The following BABAM2 variants were observed in gnomAD, a reference collection of about 807,000 sequenced individuals.
BABAM2 encodes BRISC and BRCA1-A complex member 2.
A neutral mutation model predicts 54.7 loss-of-function variants in BABAM2; 31 were observed. The observed-to-expected ratio is 0.57, with a 90% CI of 0.43 to 0.77. The LOEUF is 0.77. BABAM2 is among the 30% of genes least tolerant of loss of function. The pLI is 0.00. For synonymous variants in BABAM2, 167 were observed against 162.9 expected (o/e 1.03, Z -0.19); for missense variants, 364 against 455.8 (o/e 0.80, Z 1.83).
At chr2:28,256,261 G>A (rs527954368) in intron 10 of BABAM2, among the ~76,000 whole-genome samples, 21 of 152,102 alleles carry the variant, frequency 1.4e-4, no homozygotes, top group Non-Finnish European at 2.8e-4. Flanking sequence ...AGTGATAAAT[G>A]TAAATAATAT....
intron 6 of BABAM2, among the ~76,000 whole-genome samples, chr2:28,056,398 A>C (rs1678423344): frequency 6.6e-6 from 1 of 152,188 alleles, no homozygotes; most frequent in African/African-American, 2.4e-5. Context: ...AAATATACAC[A>C]ATAAAATTTA....
intron 4 of BABAM2, chr2:28,016,077 A>G: frequency 1.3e-6 from 1 of 781,048 alleles, no homozygotes; most frequent in Non-Finnish European, 2.2e-6. Context: ...ATTTATGTGA[A>G]CGGTTCTTTT....
At chr2:28,327,205 A>G in intron 11 of BABAM2, 1 of 1,517,382 alleles carries the variant, frequency 6.6e-7, no homozygotes, top group Non-Finnish European at 8.9e-7. Flanking sequence ...CATTAGGACT[A>G]CCCTGTCCCT....
intron 3 of BABAM2, among the ~76,000 whole-genome samples, chr2:27,987,409 A>T (rs1489213098): frequency 6.6e-6 from 1 of 152,220 alleles, no homozygotes; most frequent in African/African-American, 2.4e-5. Context: ...TGTAAAAATA[A>T]TCAGTACATA....
intron 6 of BABAM2, among the ~76,000 whole-genome samples, chr2:28,076,901 C>A (rs1246732526): frequency 6.6e-6 from 1 of 152,148 alleles, no homozygotes; most frequent in Non-Finnish European, 1.5e-5. Flanking sequence ...GGACAGGCTC[C>A]ATGCCTTATT....
chr2:28,040,375 A>T (rs368033298), intron 5 of BABAM2, among the ~76,000 whole-genome samples: 11 of 126,070 alleles, frequency 8.7e-5, no homozygotes, highest in African/African-American at 3.3e-4. Flanking sequence ...ATCTCGGCTC[A>T]CTGCAAGCTC....
intron 10 of BABAM2, among the ~76,000 whole-genome samples, chr2:28,284,970 A>G (rs982847584): frequency 2.6e-5 from 4 of 152,210 alleles, no homozygotes; most frequent in South Asian, 2.1e-4. Flanking sequence ...GTATTATCCC[A>G]TTTTAAAGAT....
chr2:28,328,709 GT>G (rs1446424401), intron 11 of BABAM2, among the ~76,000 whole-genome samples: 2 of 152,186 alleles, frequency 1.3e-5, no homozygotes, highest in African/African-American at 4.8e-5. Context: ...TGGCACTGGG[GT>G]TGGAGTGACA....
intron 7 of BABAM2, among the ~76,000 whole-genome samples, chr2:28,220,448 A>G (rs1680297259): frequency 1.3e-5 from 2 of 152,334 alleles, no homozygotes; most frequent in South Asian, 2.1e-4. Flanking sequence ...GATCAATAAC[A>G]TAGAGTTCCA....
At chr2:27,893,850 T>C (rs1449385058) in intron 1 of BABAM2, among the ~76,000 whole-genome samples, 2 of 151,818 alleles carry the variant, frequency 1.3e-5, no homozygotes, top group African/African-American at 4.8e-5. Context: ...AAAAATTAGC[T>C]GGGCGTGGTG....
At chr2:28,072,179 CT>C (rs898219286) in intron 6 of BABAM2, among the ~76,000 whole-genome samples, 212 of 143,762 alleles carry the variant, frequency 1.5e-3, no homozygotes, top group Middle Eastern at 3.7e-3. Flanking sequence ...AGCCTGGATT[CT>C]TTTTTTTTTT....
intron 5 of BABAM2, among the ~76,000 whole-genome samples, chr2:28,036,754 T>G (rs1174247129): frequency 6.6e-6 from 1 of 152,214 alleles, no homozygotes; most frequent in Non-Finnish European, 1.5e-5. Flanking sequence ...AATTCTCTTT[T>G]GTTTGTTCAA....
chr2:28,196,977 T>G (rs1677651385), intron 7 of BABAM2, among the ~76,000 whole-genome samples: 2 of 149,128 alleles, frequency 1.3e-5, no homozygotes, highest in Admixed American at 1.4e-4. Flanking sequence ...CCCGAATAGA[T>G]GGGACTACAG....
At chr2:28,224,417 G>C (rs941531110) in intron 7 of BABAM2, among the ~76,000 whole-genome samples, 3 of 152,182 alleles carry the variant, frequency 2.0e-5, no homozygotes, top group Non-Finnish European at 4.4e-5. Context: ...AGACATGAGT[G>C]TCATAGAGCC....
intron 3 of BABAM2, among the ~76,000 whole-genome samples, chr2:27,938,455 G>A (rs1668643949): frequency 6.6e-6 from 1 of 151,578 alleles, no homozygotes; most frequent in African/African-American, 2.4e-5. Context: ...GCAGTGGCAC[G>A]GTCTCGGCTC....
intron 6 of BABAM2, among the ~76,000 whole-genome samples, chr2:28,053,400 T>C (rs1344271175): frequency 1.3e-5 from 2 of 152,172 alleles, no homozygotes; most frequent in Admixed American, 6.5e-5. Flanking sequence ...CATCTTCTTA[T>C]CTTAAAGGAA....
intron 4 of BABAM2, among the ~76,000 whole-genome samples, chr2:28,021,498 T>C (rs1437501228): frequency 6.6e-6 from 1 of 152,226 alleles, no homozygotes; most frequent in African/African-American, 2.4e-5. Context: ...CGTTTTACCG[T>C]GTGCATATAT....
At chr2:28,217,693 T>C (rs1680041031) in intron 7 of BABAM2, among the ~76,000 whole-genome samples, 1 of 152,212 alleles carries the variant, frequency 6.6e-6, no homozygotes, top group Non-Finnish European at 1.5e-5. Flanking sequence ...TTATGTCATA[T>C]CATGCCATAT....
intron 11 of BABAM2, among the ~76,000 whole-genome samples, chr2:28,312,844 T>TAAGC (rs1175291528): frequency 6.6e-6 from 1 of 152,212 alleles, no homozygotes. Context: ...TATAGACCTT[T>TAAGC]AAGCACAGTG....
Sources: gnomAD v4.1 joint callset for allele counts (sites outside exome capture counted in the v4.1 genomes callset) on GRCh38, gnomAD v4.1.1 for gene constraint, MANE v1.5 for transcripts, NCBI Gene and HGNC (gene_info 2026-07-23, HGNC 2026-07-21) for gene names.